Variants in RFX3 observed in about 807,000 individuals in gnomAD.
The protein encoded by RFX3 is regulatory factor X3.
In RFX3, 14 loss-of-function variants were observed where a neutral mutation model predicts 98.6. That is an observed-to-expected ratio of 0.14 (90% CI 0.09 to 0.22). The LOEUF is 0.22. Among genes scored for constraint, RFX3 ranks in the 10% least tolerant of loss-of-function variants. The pLI is 1.00. For synonymous variants in RFX3, 383 were observed against 328.4 expected, an observed-to-expected ratio of 1.17 and a Z score of -1.80; for missense variants, 639 against 926.9, an observed-to-expected ratio of 0.69 and a Z score of 4.03.
Position 3,491,315 on chromosome 9 carries a change from A to C in RFX3, c.-9+34432T>G, listed in dbSNP as rs116309298. On this transcript the variant is annotated intron_variant, in intron 1 of 16. Transcript: ENST00000617270. The stretch of plus-strand genomic sequence containing the variant: ...ATACATCAAAAATGTAATAATCTAC[A>C]ATAATCAACACACTTGGATTCTCGA... Among the ~76,000 whole-genome samples, 891 of 152,260 alleles carry C rather than the reference A, an allele frequency of 5.9e-3. 4 individuals carry two copies. Among genetic ancestry groups the C allele is most frequent in the African/African-American group, 0.02 (851 of 41,558 alleles).
intron 1 of RFX3, among the ~76,000 whole-genome samples, chr9:3,451,930 C>T (rs1846675664): frequency 6.6e-6 from 1 of 151,178 alleles, no homozygotes; most frequent in African/African-American, 2.4e-5. Flanking sequence ...TGGAATTGTA[C>T]AATTTCAATT....
intron 2 of RFX3, among the ~76,000 whole-genome samples, chr9:3,359,415 G>T (rs944977092): frequency 6.6e-6 from 1 of 151,986 alleles, no homozygotes; most frequent in Non-Finnish European, 1.5e-5. Context: ...TAGTAAAGGT[G>T]GATTGGAAAG....
At chr9:3,270,313 C>T (rs895815183) in intron 11 of RFX3, 58 bp downstream of exon 11, 2 of 1,516,026 alleles carry the variant, frequency 1.3e-6, no homozygotes, top group African/African-American at 1.4e-5. Flanking sequence ...CTTCTCAAAA[C>T]TTCCTGGGTG....
chr9:3,292,612 C>G (rs1388564586), intron 6 of RFX3, among the ~76,000 whole-genome samples: 3 of 152,194 alleles, frequency 2.0e-5, no homozygotes, highest in Admixed American at 6.5e-5. Flanking sequence ...GTTTCTTACT[C>G]TATCCCAACA....
chr9:3,330,345 T>C lies in RFX3; in HGVS notation c.388A>G (p.Ser130Gly). 1 of 1,614,146 alleles carries C rather than the reference T, an allele frequency of 6.2e-7. No homozygotes were observed. The highest frequency in any genetic ancestry group is 1.1e-5 in the South Asian group (1 of 91,086). Residue 130 changes from serine (S) to glycine (G), a missense_variant, in exon 4 of 17, where the codon AGC becomes GGC. Physicochemically the swap from Ser to Gly is moderately conservative, Grantham distance 56. Around this residue, in one of 9 missense-constraint regions of RFX3, gnomAD observed 210 missense variants for 197.7 expected, o/e 1.06. Transcript: ENST00000617270. ...MGVTGGQLIS[S>G]SGGTYLIGNS... ...CCGATCAGATAGGTTCCTCCAGAGC[T>C]GCTGATGAGTTGTCCTCCTGTGACG...
At chr9:3,454,257 T>A (rs1396651094) in intron 1 of RFX3, among the ~76,000 whole-genome samples, 2 of 152,176 alleles carry the variant, frequency 1.3e-5, no homozygotes, top group Non-Finnish European at 2.9e-5. Flanking sequence ...TGTATTTGCA[T>A]AGCTTCCCAC....
intron 9 of RFX3, among the ~76,000 whole-genome samples, chr9:3,273,789 C>A (rs1413238254): frequency 6.7e-6 from 1 of 149,094 alleles, no homozygotes; most frequent in Non-Finnish European, 1.5e-5. Flanking sequence ...CGCTTGAACC[C>A]AGGAGGCGGT....
At chr9:3,444,872 C>G (rs923439796) in intron 1 of RFX3, among the ~76,000 whole-genome samples, 9 of 152,182 alleles carry the variant, frequency 5.9e-5, no homozygotes, top group African/African-American at 2.2e-4. Flanking sequence ...AAAGCTTTTT[C>G]TCAGTCACAG....
chr9:3,296,605 A>G (rs1047124956), intron 5 of RFX3, among the ~76,000 whole-genome samples: 15 of 152,132 alleles, frequency 9.9e-5, no homozygotes, highest in Non-Finnish European at 2.2e-4. Context: ...ATGGTACAAG[A>G]ACAGGTATTT....
At chr9:3,477,164 A>C (rs887030236) in intron 1 of RFX3, among the ~76,000 whole-genome samples, 1 of 152,204 alleles carries the variant, frequency 6.6e-6, no homozygotes, top group African/African-American at 2.4e-5. Context: ...ATTCCAATAC[A>C]GAATCACAAT....
At chr9:3,343,600 T>C (rs1834132567) in intron 3 of RFX3, among the ~76,000 whole-genome samples, 1 of 152,138 alleles carries the variant, frequency 6.6e-6, no homozygotes, top group Admixed American at 6.6e-5. Context: ...CTAGTCCTAT[T>C]TGAGAAAAAA....
In RFX3 at chr9:3,408,593, GTCTC is replaced by G. The variant is rs746689896; in HGVS notation, c.-8-13001_-8-12998del. Among the ~76,000 whole-genome samples, 317 of 147,994 alleles carry G rather than the reference GTCTC, an allele frequency of 2.1e-3. 3 individuals are homozygous for G. The highest frequency in any genetic ancestry group is 5.9e-3 in the African/African-American group (237 of 40,366). On this transcript the variant is annotated intron_variant, in intron 1 of 16. Transcript: ENST00000617270. ...TGCTGTAAGAGTTATCTCTGTCTCT[GTCTC>G]TCTCTCTCTCTCTCTCACACACACA... is the stretch of plus-strand genomic sequence containing the variant.
chr9:3,386,983 T>A (rs768062557), intron 2 of RFX3, among the ~76,000 whole-genome samples: 1 of 152,156 alleles, frequency 6.6e-6, no homozygotes, highest in Non-Finnish European at 1.5e-5. Flanking sequence ...CTGTTCCATA[T>A]CCCTCACTTC....
chr9:3,266,171 C>T, intron 12 of RFX3, 37 bp downstream of exon 12: 1 of 1,270,952 alleles, frequency 7.9e-7, no homozygotes, highest in Non-Finnish European at 1.1e-6. Context: ...GAATAATTTC[C>T]TCAACACAAA....
At chr9:3,296,364 A>G (rs1039879679) in intron 5 of RFX3, among the ~76,000 whole-genome samples, 4 of 152,062 alleles carry the variant, frequency 2.6e-5, no homozygotes, top group Non-Finnish European at 1.5e-5. Context: ...ATAATTTACA[A>G]GAAGTGAAGC....
intron 1 of RFX3, among the ~76,000 whole-genome samples, chr9:3,484,750 T>G (rs1257912329): frequency 6.6e-6 from 1 of 152,166 alleles, no homozygotes; most frequent in African/African-American, 2.4e-5. Context: ...AATTAAGTTT[T>G]TGTTGCCTAC....
At chr9:3,356,767 G>A (rs776605834) in intron 2 of RFX3, among the ~76,000 whole-genome samples, 12 of 151,614 alleles carry the variant, frequency 7.9e-5, no homozygotes, top group African/African-American at 1.2e-4. Context: ...TATATTTACA[G>A]GACAATAAAT....
rs746689896 is a variant in RFX3 at position 3,408,593 on chromosome 9, G to GTC, written c.-8-12999_-8-12998dup. Among the ~76,000 whole-genome samples the GTC allele has an allele frequency of 7.0e-3, 1,042 of 147,978 alleles. 3 individuals are homozygous for GTC. Among genetic ancestry groups the GTC allele is most frequent in the South Asian group, 0.023 (106 of 4,638 alleles). ...TGCTGTAAGAGTTATCTCTGTCTCT[G>GTC]TCTCTCTCTCTCTCTCTCTCACACA... On this transcript the variant is annotated intron_variant, in intron 1 of 16. Coordinates refer to ENST00000617270, the MANE Select transcript of RFX3 (RefSeq NM_001282116.2).
intron 1 of RFX3, among the ~76,000 whole-genome samples, chr9:3,437,665 C>T (rs1845263008): frequency 6.6e-6 from 1 of 152,022 alleles, no homozygotes; most frequent in African/African-American, 2.4e-5. Context: ...TTCCACCCTA[C>T]TTCCTAGGAT....
Sources: allele counts gnomAD v4.1 joint callset (sites outside exome capture counted in the v4.1 genomes callset), GRCh38; gene constraint gnomAD v4.1.1; regional missense constraint gnomAD v4.1.1; transcripts MANE v1.5; gene names NCBI Gene and HGNC (gene_info 2026-07-23, HGNC 2026-07-21).